DAB1: variants seen among roughly 807,000 people sequenced by gnomAD.
DAB1 encodes the protein DAB adaptor protein 1.
Under a neutral mutation model 64.6 loss-of-function variants are expected in DAB1, and 15 were observed. That is an observed-to-expected ratio of 0.23 (90% CI 0.16 to 0.36). The LOEUF is 0.36. Ranked by LOEUF, DAB1 falls within the 10% of genes least tolerant of loss-of-function variation. The probability of loss-of-function intolerance (pLI) is 1.00; values close to 1 mark genes in which losing one functional copy is unlikely to be tolerated. For missense variants in DAB1, 596 were observed against 706.7 expected (o/e 0.84, Z 1.78); for synonymous variants, 235 against 251.9 (o/e 0.93, Z 0.64).
At chr1:57,898,887 C>T (rs779658012) in intron 5 of DAB1, among the ~76,000 whole-genome samples, 1 of 152,070 alleles carries the variant, frequency 6.6e-6, no homozygotes, top group Non-Finnish European at 1.5e-5. Context: ...TATGCGCGTG[C>T]ACACATGCTT....
At chr1:58,281,948 A>G (rs1325488450) in intron 4 of DAB1, among the ~76,000 whole-genome samples, 1 of 152,000 alleles carries the variant, frequency 6.6e-6, no homozygotes, top group African/African-American at 2.4e-5. Flanking sequence ...CCACCCCGTC[A>G]TCATCATTGT....
intron 4 of DAB1, among the ~76,000 whole-genome samples, chr1:58,282,448 T>C (rs1193779832): frequency 6.6e-6 from 1 of 152,234 alleles, no homozygotes; most frequent in Admixed American, 6.5e-5. Context: ...CTCATTTTCA[T>C]AGTGGGAAAC....
At chr1:58,192,432 T>C (rs2100234062) in intron 4 of DAB1, among the ~76,000 whole-genome samples, 1 of 152,304 alleles carries the variant, frequency 6.6e-6, no homozygotes, top group East Asian at 1.9e-4. Context: ...CCTTCCATCT[T>C]TCATAGTCTT....
intron 4 of DAB1, among the ~76,000 whole-genome samples, chr1:57,078,040 C>T (rs1190213733): frequency 6.6e-6 from 1 of 152,170 alleles, no homozygotes; most frequent in Non-Finnish European, 1.5e-5. Flanking sequence ...CAAAGGGAGG[C>T]CCAGGCTCAT....
chr1:57,781,112 CTCTCTCTCTCTCTCTATATATATATATA>C (rs1372290761), intron 6 of DAB1, among the ~76,000 whole-genome samples: 71 of 62,620 alleles, frequency 1.1e-3, no homozygotes, highest in East Asian at 7.8e-3. Flanking sequence ...CTCTCTCTCT[CTCTCTCTCTCTCTCTATATATATATATA>C]TATATATATA....
intron 14 of DAB1, among the ~76,000 whole-genome samples, chr1:57,008,274 G>T (rs185328127): frequency 5.7e-4 from 87 of 152,266 alleles, no homozygotes; most frequent in South Asian, 5.0e-3. Context: ...CCCTTCCAAA[G>T]CTGTTGTGAC....
chr1:58,055,362 T>C (rs994605384), intron 5 of DAB1, among the ~76,000 whole-genome samples: 15 of 152,180 alleles, frequency 9.9e-5, no homozygotes, highest in African/African-American at 3.4e-4. Flanking sequence ...GGTATCAGAA[T>C]GGTGTCTTCC....
chr1:57,825,808 T>A (rs1331837682), downstream of DAB1, among the ~76,000 whole-genome samples: 1 of 152,146 alleles, frequency 6.6e-6, no homozygotes, highest in Non-Finnish European at 1.5e-5. Flanking sequence ...TGTGTGAATG[T>A]TGTTCAGGTC....
chr1:57,725,068 G>C (rs1346637834), intron 6 of DAB1, among the ~76,000 whole-genome samples: 1 of 152,210 alleles, frequency 6.6e-6, no homozygotes, highest in Non-Finnish European at 1.5e-5. Context: ...ATAGTACAGT[G>C]GTCAAGTACA....
intron 5 of DAB1, among the ~76,000 whole-genome samples, chr1:57,964,003 C>T (rs1645591445): frequency 6.6e-6 from 1 of 152,182 alleles, no homozygotes; most frequent in African/African-American, 2.4e-5. Context: ...AAACACCATG[C>T]TGACAGTAAA....
intron 6 of DAB1, among the ~76,000 whole-genome samples, chr1:57,717,938 T>TAG (rs3081016): frequency 0.42 from 63,861 of 151,752 alleles, 14,696 homozygotes; most frequent in African/African-American, 0.62. Flanking sequence ...TTTATAGAAG[T>TAG]AGAGTAGAAT....
intron 1 of DAB1, among the ~76,000 whole-genome samples, chr1:57,844,059 T>G (rs1653170313): frequency 6.6e-6 from 1 of 152,360 alleles, no homozygotes; most frequent in Non-Finnish European, 1.5e-5. Context: ...AACTTGGCAT[T>G]TGCCATGCCA....
At chr1:58,267,895 A>G (rs999119927) in intron 4 of DAB1, among the ~76,000 whole-genome samples, 3 of 152,122 alleles carry the variant, frequency 2.0e-5, no homozygotes, top group Non-Finnish European at 4.4e-5. Context: ...ATATCCCCTC[A>G]AAACTCCCTA....
chr1:57,910,742 C>T (rs1644630874), intron 5 of DAB1, among the ~76,000 whole-genome samples: 1 of 152,210 alleles, frequency 6.6e-6, no homozygotes, highest in Admixed American at 6.5e-5. Flanking sequence ...TCCCACCTGC[C>T]TCTAAGAATC....
chr1:57,605,473 G>T (rs995236123), intron 7 of DAB1, among the ~76,000 whole-genome samples: 2 of 152,118 alleles, frequency 1.3e-5, no homozygotes, highest in African/African-American at 4.8e-5. Context: ...CCAAATGTGC[G>T]ACCCATCCTT....
chr1:57,619,462 G>A (rs769759697), intron 7 of DAB1, among the ~76,000 whole-genome samples: 1 of 152,132 alleles, frequency 6.6e-6, no homozygotes, highest in African/African-American at 2.4e-5. Flanking sequence ...ATGCAGTGGT[G>A]CAATCATAAC....
At chr1:58,308,811 T>C (rs930411585) in intron 4 of DAB1, among the ~76,000 whole-genome samples, 1 of 152,182 alleles carries the variant, frequency 6.6e-6, no homozygotes. Flanking sequence ...CCTCCTTTAC[T>C]ACCTAGAGCT....
intron 7 of DAB1, among the ~76,000 whole-genome samples, chr1:57,487,448 G>A (rs1007802569): frequency 6.6e-6 from 1 of 152,216 alleles, no homozygotes; most frequent in African/African-American, 2.4e-5. Context: ...CCCTGCTCTT[G>A]CTCTGCACCA....
At chr1:57,850,045 TA>T (rs1653449666) in intron 1 of DAB1, among the ~76,000 whole-genome samples, 1 of 152,104 alleles carries the variant, frequency 6.6e-6, no homozygotes. Context: ...TAGGTGGGGA[TA>T]CCTGGCTTGG....
Sources: gnomAD v4.1 joint callset for allele counts (sites outside exome capture counted in the v4.1 genomes callset) on GRCh38, gnomAD v4.1.1 for gene constraint, MANE v1.5 for transcripts, NCBI Gene and HGNC (gene_info 2026-07-23, HGNC 2026-07-21) for gene names.